Variants in TTC17 observed in about 807,000 individuals in gnomAD.
The protein encoded by TTC17 is tetratricopeptide repeat protein 17.
TTC17 carries 58 observed loss-of-function variants against 143.8 expected under a neutral mutation model. The ratio of observed to expected loss-of-function variants is 0.40; its 90% confidence interval spans 0.33 to 0.50. The LOEUF (loss-of-function observed/expected upper bound fraction) is 0.50. Among genes scored for constraint, TTC17 ranks in the 20% least tolerant of loss-of-function variants. The pLI, the probability that TTC17 is intolerant of heterozygous loss-of-function variation, is 0.49. For synonymous variants in TTC17, 501 were observed against 497.8 expected, an observed-to-expected ratio of 1.01 and a Z score of -0.09; for missense variants, 1,273 against 1,392.5, an observed-to-expected ratio of 0.91 and a Z score of 1.37.
intron 14 of TTC17, 68 bp downstream of exon 14, chr11:43,407,283 CT>C: frequency 6.4e-7 from 1 of 1,566,634 alleles, no homozygotes; most frequent in East Asian, 2.2e-5. Flanking sequence ...TTAAAATGCA[CT>C]TATTAAAAAT....
chr11:43,481,580 CTCTT>C (rs1317883413), intron 21 of TTC17, among the ~76,000 whole-genome samples: 4 of 151,970 alleles, frequency 2.6e-5, no homozygotes, highest in Non-Finnish European at 1.5e-5. Flanking sequence ...TTCAAATTAT[CTCTT>C]TCTTCTCTGG....
At position 43,397,055 on chromosome 11, in the gene TTC17, A is replaced by G. The variant is rs139359026; in HGVS notation, c.773+237A>G. 1.5e-4 allele frequency: 68 copies of G among 468,054 alleles called. No individual in the cohort carries two copies. In the South Asian group the frequency reaches 3.1e-3, roughly 21 times the overall value. 29.0% of individuals were successfully genotyped at this position (468,054 alleles called of 1,614,324 possible). The stretch of plus-strand genomic sequence containing the variant: ...TAAGGAAAAAATATGTAGATGCCCT[A>G]TGATTCACATGATACTTGAATGGAA... On this transcript the variant is annotated intron_variant, in intron 6 of 23. Transcript: ENST00000039989.
chr11:43,458,369 G>A (rs182681427), intron 21 of TTC17, among the ~76,000 whole-genome samples: 4 of 152,264 alleles, frequency 2.6e-5, no homozygotes, highest in Non-Finnish European at 4.4e-5. Context: ...TAATAAGCAC[G>A]TGATGGGTCA....
At chr11:43,369,081 G>A (rs1358169017) in intron 1 of TTC17, among the ~76,000 whole-genome samples, 1 of 152,168 alleles carries the variant, frequency 6.6e-6, no homozygotes, top group Non-Finnish European at 1.5e-5. Flanking sequence ...TTTGAGCCTT[G>A]ACTATTGTGT....
At chr11:43,446,679 C>T (rs1947549554) in intron 18 of TTC17, 1 of 984,924 alleles carries the variant, frequency 1.0e-6, no homozygotes, top group African/African-American at 1.7e-5. Context: ...CAGTTTTCTA[C>T]TGTTCGTAAA....
At chr11:43,436,043 T>G in intron 16 of TTC17, 1 of 837,352 alleles carries the variant, frequency 1.2e-6, no homozygotes, top group Non-Finnish European at 1.6e-6. Flanking sequence ...TTTTGTGTGT[T>G]CTGCTGAAGA....
chr11:43,437,964 A>G (rs940451944), intron 16 of TTC17, among the ~76,000 whole-genome samples: 13 of 152,270 alleles, frequency 8.5e-5, no homozygotes, highest in Admixed American at 7.8e-4. Flanking sequence ...TCAGAAGAGA[A>G]TGATTTCCCT....
At chr11:43,485,876 GT>G (rs1169513546) in intron 21 of TTC17, among the ~76,000 whole-genome samples, 2 of 136,282 alleles carry the variant, frequency 1.5e-5, no homozygotes, top group African/African-American at 5.6e-5. Context: ...CAATCTCTTG[GT>G]TTTTTGTTTT....
intron 1 of TTC17, among the ~76,000 whole-genome samples, chr11:43,373,065 A>G (rs767844623): frequency 1.3e-5 from 2 of 152,172 alleles, no homozygotes; most frequent in African/African-American, 4.8e-5. Context: ...GACATGATAT[A>G]TATCTAACAG....
intron 10 of TTC17, among the ~76,000 whole-genome samples, chr11:43,403,190 C>A (rs1196026226): frequency 6.6e-6 from 1 of 152,142 alleles, no homozygotes; most frequent in Non-Finnish European, 1.5e-5. Flanking sequence ...AAACCCAATA[C>A]ACCTTTTGGA....
chr11:43,383,518 A>T (rs1172158202), intron 2 of TTC17, among the ~76,000 whole-genome samples: 1 of 149,570 alleles, frequency 6.7e-6, no homozygotes, highest in Non-Finnish European at 1.5e-5. Context: ...ACGCCTGGCT[A>T]ATTTTTTTTT....
At chr11:43,476,768 A>C (rs998172622) in intron 21 of TTC17, among the ~76,000 whole-genome samples, 12 of 152,280 alleles carry the variant, frequency 7.9e-5, no homozygotes, top group Admixed American at 7.8e-4. Flanking sequence ...TGGGCCTGTG[A>C]TGGGAGGGGC....
At chr11:43,443,856 G>A (rs1333896006) in intron 17 of TTC17, among the ~76,000 whole-genome samples, 200 bp from the exon 18 acceptor site, 5 of 151,980 alleles carry the variant, frequency 3.3e-5, no homozygotes, top group East Asian at 1.9e-4. Context: ...CTTTCTTTTC[G>A]GTTTCTTCTA....
intron 5 of TTC17, chr11:43,395,470 A>T (rs1857551269): frequency 6.6e-6 from 1 of 152,240 alleles, no homozygotes; most frequent in African/African-American, 2.4e-5. Context: ...GATGAAAATC[A>T]AAATGAAAGC....
chr11:43,446,997 CTG>C (rs1261048185), intron 18 of TTC17, among the ~76,000 whole-genome samples: 1 of 152,164 alleles, frequency 6.6e-6, no homozygotes, highest in Non-Finnish European at 1.5e-5. Context: ...CTCTGAGTCT[CTG>C]TTTTCTCATC....
intron 16 of TTC17, among the ~76,000 whole-genome samples, chr11:43,434,005 A>T (rs773934094): frequency 3.4e-4 from 51 of 152,084 alleles, no homozygotes; most frequent in Non-Finnish European, 6.8e-4. Context: ...GTTTTATTTT[A>T]ATGCTCTTAT....
rs777549608 is a variant in TTC17, at chr11:43,444,093, G to C, written c.2549G>C (p.Gly850Ala). 7 of 1,612,974 alleles carry C rather than the reference G, an allele frequency of 4.3e-6. No homozygotes were observed. Among genetic ancestry groups the C allele is most frequent in the Non-Finnish European group, 5.1e-6 (6 of 1,179,566 alleles). Reference sequence around the variant, plus strand: ...GTCAAACGTGTAAAGAAACCCAAAGGAGATCATAAGAAAACTCCTGGGAAA... The same window carrying C: ...GTCAAACGTGTAAAGAAACCCAAAGCAGATCATAAGAAAACTCCTGGGAAA... ...FQVKRVKKPKGDHKKTPGKKV... is the reference protein window; with the variant it reads ...FQVKRVKKPKADHKKTPGKKV... Residue 850 changes from glycine to alanine, a missense_variant, in exon 18 of 24, where the codon GGA (glycine) becomes GCA (alanine). Around this residue, in one of 3 missense-constraint regions of TTC17, gnomAD observed 878 missense variants for 899.8 expected, o/e 0.98. Transcript: ENST00000039989.
intron 21 of TTC17, among the ~76,000 whole-genome samples, chr11:43,468,908 AT>A (rs1277095948): frequency 1.3e-5 from 2 of 152,220 alleles, no homozygotes; most frequent in African/African-American, 4.8e-5. Flanking sequence ...TTAAAAAAAA[AT>A]AAAATGTATC....
At chr11:43,416,193 T>G (rs1946775243) in intron 16 of TTC17, among the ~76,000 whole-genome samples, 1 of 152,112 alleles carries the variant, frequency 6.6e-6, no homozygotes, top group South Asian at 2.1e-4. Context: ...TTAATTCTAC[T>G]GCATCTTCTC....
Sources: allele counts gnomAD v4.1 joint callset (sites outside exome capture counted in the v4.1 genomes callset), GRCh38; gene constraint gnomAD v4.1.1; regional missense constraint gnomAD v4.1.1; transcripts MANE v1.5; gene names NCBI Gene and HGNC (gene_info 2026-07-23, HGNC 2026-07-21).